SGK2: variants seen among roughly 807,000 people sequenced by gnomAD.
The protein encoded by SGK2 is serine/threonine-protein kinase Sgk2.
SGK2 carries 36 observed loss-of-function variants against 47.5 expected under a neutral mutation model. The ratio of observed to expected loss-of-function variants is 0.76; its 90% CI spans 0.58 to 1.00. SGK2 has a LOEUF of 1.00. Among genes scored for constraint, SGK2 ranks in the 50% least tolerant of loss-of-function variants. The pLI is 0.00. For synonymous variants in SGK2, 157 were observed against 181.9 expected (o/e 0.86, Z 1.10); for missense variants, 404 against 467.4 (o/e 0.86, Z 1.25).
In SGK2 at chr20:43,572,833, A is replaced by G. The variant is rs1317641748; in HGVS notation, c.597+696A>G. Among the ~76,000 whole-genome samples, 1 of 152,248 alleles carries G rather than the reference A, an allele frequency of 6.6e-6. No homozygotes were observed. Among genetic ancestry groups the G allele is most frequent in the Non-Finnish European group, 1.5e-5 (1 of 68,042 alleles). Reference sequence around the variant, plus strand: ...TCCAATATTCTCATTTCAACATACCATCAATATAAAACTGGTTGAAATATT... The same window carrying G: ...TCCAATATTCTCATTTCAACATACCGTCAATATAAAACTGGTTGAAATATT... On this transcript the variant is annotated intron_variant, in intron 9 of 12. Coordinates refer to ENST00000373100, the MANE Select transcript of SGK2 (RefSeq NM_170693.3). This position sits in a 1 kb window ranked among gnomAD's most constrained non-coding sequence, Gnocchi z 4.2.
chr20:43,579,011 C>CTTT lies in SGK2; in HGVS notation c.850-939_850-937dup, dbSNP rs10523244. Among the ~76,000 whole-genome samples the CTTT allele has an allele frequency of 5.6e-5, 8 of 143,872 alleles. No homozygotes were observed. The East Asian group carries it at 6.1e-4, about 11-fold the overall frequency. The allele number at this position is 143,872 out of a possible 152,430, so 94.4% of individuals were successfully genotyped here. ...AATTTCTTGGGCATTCTTTCGGAGG[C>CTTT]TTTTTTTTTTTTTTTTTTTTTTTTG... On this transcript the variant is annotated intron_variant, in intron 11 of 12. Coordinates refer to ENST00000373100, the MANE Select transcript of SGK2 (RefSeq NM_170693.3).
intron 1 of SGK2, among the ~76,000 whole-genome samples, chr20:43,560,698 A>T (rs75697264): frequency 0.02 from 3,011 of 152,188 alleles, 40 homozygotes; most frequent in Non-Finnish European, 0.03. Flanking sequence ...ATTGTATCAC[A>T]TGTATGTTCC....
intron 9 of SGK2, 84 bp from the exon 10 acceptor site, chr20:43,574,825 C>A: frequency 1.1e-6 from 1 of 938,130 alleles, no homozygotes. Flanking sequence ...AGCTCTTGGT[C>A]ATCTTCCTCC....
chr20:43,571,064 G>GGTGTGT lies in SGK2; in HGVS notation c.510+37_510+42dup, dbSNP rs11467250. 488 of 1,565,952 alleles carry GGTGTGT rather than the reference G, an allele frequency of 3.1e-4. 3 individuals are homozygous for GGTGTGT. The African/African-American group carries it at 5.7e-3, about 18-fold the overall frequency. On this transcript the variant is annotated splice_donor_region_variant and intron_variant, in intron 8 of 12. Coordinates refer to ENST00000373100, the MANE Select transcript of SGK2 (RefSeq NM_170693.3). ...GAACATTCTCTTGGACTGCCAGGTT[G>GGTGTGT]GTGTGTGTGTGTGTGTGTGTGTGTG...
rs750912163 is a variant in SGK2 at position 43,570,605 on chromosome 20, C to T, written c.361-12C>T. 9 of 1,586,160 alleles carry T rather than the reference C, an allele frequency of 5.7e-6. No individual in the cohort carries two copies. The highest frequency in any genetic ancestry group is 7.8e-6 in the Non-Finnish European group (9 of 1,160,558). On this transcript the variant is annotated splice_polypyrimidine_tract_variant and intron_variant, in intron 6 of 12. Coordinates refer to ENST00000373100, the MANE Select transcript of SGK2 (RefSeq NM_170693.3). Reference sequence around the variant, plus strand: ...ACCCAATAACTCCTGTCACACTCCTCCTCCCCTCCAGCTCTTCTTCCACCT... The same window carrying T: ...ACCCAATAACTCCTGTCACACTCCTTCTCCCCTCCAGCTCTTCTTCCACCT...
chr20:43,581,667 T>TATAG (rs1165198516), intron 12 of SGK2, among the ~76,000 whole-genome samples: 1 of 152,172 alleles, frequency 6.6e-6, no homozygotes, highest in Non-Finnish European at 1.5e-5. Flanking sequence ...TAGCTGTGAT[T>TATAG]ATAGGCATGC....
chr20:43,578,642 T>C (rs1382726994), intron 11 of SGK2, among the ~76,000 whole-genome samples: 1 of 152,170 alleles, frequency 6.6e-6, no homozygotes, highest in Non-Finnish European at 1.5e-5. Context: ...CACAGCTGTT[T>C]TGAAGATCAA....
intron 1 of SGK2, chr20:43,566,057 C>T: frequency 2.6e-6 from 1 of 391,088 alleles, no homozygotes; most frequent in Non-Finnish European, 4.5e-6. Context: ...CTAGGAAGGT[C>T]CTTTTTTAGG....
At position 43,569,406 on chromosome 20, in the gene SGK2, C is replaced by T. The variant is rs763850331; in HGVS notation, c.250C>T (p.Arg84Cys). 7 of 1,613,840 alleles carry T rather than the reference C, an allele frequency of 4.3e-6. No homozygotes were observed. Among genetic ancestry groups the T allele is most frequent in the South Asian group, 3.3e-5 (3 of 91,088 alleles). ...ACAGCAGAGCCACATCATGGCAGAGCGCAGTGTGCTTCTGAAGAACGTGCG... is the reference window on the plus strand; with the variant it reads ...ACAGCAGAGCCACATCATGGCAGAGTGCAGTGTGCTTCTGAAGAACGTGCG... ...KKEQSHIMAERSVLLKNVRHP... is the reference protein window; with the variant it reads ...KKEQSHIMAECSVLLKNVRHP... Residue 84 changes from arginine (R) to cysteine (C), a missense_variant, in exon 6 of 13, where the codon CGC becomes TGC. Transcript: ENST00000373100.
intron 11 of SGK2, among the ~76,000 whole-genome samples, chr20:43,577,544 G>T (rs1282635884): frequency 6.6e-6 from 1 of 151,202 alleles, no homozygotes; most frequent in Non-Finnish European, 1.5e-5. Context: ...TAGAGACGGG[G>T]TTTCACCAAG....
rs187960004 is a variant in SGK2 at position 43,582,697 on chromosome 20, A to G, written c.940-2155A>G. 2.6e-3 allele frequency among the ~76,000 whole-genome samples: 380 copies of G among 146,186 alleles called. 2 individuals carry two copies. The highest frequency in any genetic ancestry group is 7.6e-3 in the South Asian group (35 of 4,630). Reference sequence around the variant, plus strand: ...GCCATCGCGCCTGGCTTTTATTTTTATATTTTTGAGATAGAGTCTTGCTCT... The same window carrying G: ...GCCATCGCGCCTGGCTTTTATTTTTGTATTTTTGAGATAGAGTCTTGCTCT... On this transcript the variant is annotated intron_variant, in intron 12 of 12. Coordinates refer to ENST00000373100, the MANE Select transcript of SGK2 (RefSeq NM_170693.3).
chr20:43,579,906 G>A (rs1369437485), intron 11 of SGK2, 66 bp from the exon 12 acceptor site: 2 of 960,562 alleles, frequency 2.1e-6, no homozygotes, highest in East Asian at 2.4e-5. Flanking sequence ...GGATGTGGGG[G>A]TGAGGTGAGA....
At chr20:43,582,141 G>A (rs747743206) in intron 12 of SGK2, among the ~76,000 whole-genome samples, 16 of 151,346 alleles carry the variant, frequency 1.1e-4, no homozygotes, top group Non-Finnish European at 2.4e-4. Flanking sequence ...TCCACCTCCT[G>A]GGGTCAAGCC....
At chr20:43,566,394 T>C in intron 1 of SGK2, 79 bp from the exon 2 acceptor site, 3 of 1,614,124 alleles carry the variant, frequency 1.9e-6, no homozygotes, top group Non-Finnish European at 2.5e-6. Context: ...GAGAGGGCAG[T>C]GGTGCCTGAA....
Position 43,571,051 on chromosome 20 carries a change from G to A in SGK2, c.501G>A (p.Leu167=). The A allele has an allele frequency of 6.2e-7, 1 of 1,606,434 alleles. No individual in the cohort carries two copies. Among genetic ancestry groups the A allele is most frequent in the Non-Finnish European group, 8.5e-7 (1 of 1,178,830 alleles). The change falls in exon 8 of 13, where the codon TTG becomes TTA. Residue 167 remains leucine (L), a synonymous_variant. Transcript: ENST00000373100. ...ATCTGAAACCAGAGAACATTCTCTT[G>A]GACTGCCAGGTTGGTGTGTGTGTGT... is the stretch of plus-strand genomic sequence containing the variant. ...YRDLKPENIL[L]DCQGHVVLTD...
intron 9 of SGK2, among the ~76,000 whole-genome samples, chr20:43,574,358 G>A (rs530847081): frequency 1.1e-4 from 16 of 152,240 alleles, no homozygotes; most frequent in African/African-American, 3.9e-4. Context: ...TGACCCTCTC[G>A]TCTGACCCTA....
intron 11 of SGK2, among the ~76,000 whole-genome samples, chr20:43,579,041 A>T (rs1980636119): frequency 7.0e-6 from 1 of 142,228 alleles, no homozygotes; most frequent in Non-Finnish European, 1.5e-5. Context: ...TTTTTGAGAC[A>T]GAGTCTTGCT....
chr20:43,569,252 G>A, intron 5 of SGK2, 133 bp from the exon 6 acceptor site: 2 of 1,133,148 alleles, frequency 1.8e-6, no homozygotes, highest in South Asian at 1.5e-5. Flanking sequence ...GGGAGCCATT[G>A]TGGGTGTTTG....
At chr20:43,571,094 T>A (rs1980097191) in intron 8 of SGK2, 34 bp downstream of exon 8, 2 of 1,609,470 alleles carry the variant, frequency 1.2e-6, no homozygotes, top group Admixed American at 3.3e-5. Context: ...TGTGTGTGTG[T>A]GTGTGTGTAT....
Sources: allele counts gnomAD v4.1 joint callset (sites outside exome capture counted in the v4.1 genomes callset), GRCh38; gene constraint gnomAD v4.1.1; non-coding constraint Gnocchi (gnomAD v3.1); transcripts MANE v1.5; gene names NCBI Gene and HGNC (gene_info 2026-07-23, HGNC 2026-07-21).